Variants in CNKSR3 observed in about 807,000 individuals in gnomAD.
CNKSR3 encodes connector enhancer of kinase suppressor of ras 3.
Under a neutral mutation model 67.7 loss-of-function variants are expected in CNKSR3, and 36 were observed. The observed-to-expected ratio is 0.53, with a 90% confidence interval of 0.41 to 0.70. CNKSR3 has a LOEUF of 0.70. Ranked by LOEUF, CNKSR3 falls within the 30% of genes least tolerant of loss-of-function variation. CNKSR3 has a pLI of 0.00. For missense variants in CNKSR3, 630 were observed against 695.2 expected (o/e 0.91, Z 1.05); for synonymous variants, 281 against 271.4 (o/e 1.04, Z -0.35).
rs1240183791 is a variant in CNKSR3 at position 154,401,536 on chromosome 6, GAC to G, written c.*4816_*4817del. 6.6e-6 allele frequency: 1 copy of G among 152,224 alleles called. No homozygotes were observed. Among genetic ancestry groups the G allele is most frequent in the Non-Finnish European group, 1.5e-5 (1 of 68,040 alleles). The allele number at this position is 152,224 out of a possible 1,614,324, so 9.4% of individuals were successfully genotyped here. A position where few individuals can be genotyped will look rare whatever the true frequency, so the allele number is the denominator to read the frequency against. On this transcript the variant is annotated 3_prime_UTR_variant, in exon 13 of 13. Transcript: ENST00000607772. ...TGTTATTGCAGCCTGAGCTGATTAA[GAC>G]ACAGAGTAACTCACAAAATAAATAA...
chr6:154,431,575 C>T (rs527712045), intron 5 of CNKSR3, among the ~76,000 whole-genome samples: 1 of 152,080 alleles, frequency 6.6e-6, no homozygotes, highest in Admixed American at 6.5e-5. Flanking sequence ...TGACAAATGC[C>T]TAATGTCACG....
chr6:154,448,185 G>A (rs1224748509), intron 2 of CNKSR3, among the ~76,000 whole-genome samples: 2 of 151,958 alleles, frequency 1.3e-5, no homozygotes, highest in Non-Finnish European at 2.9e-5. Context: ...TGCTCTAAGA[G>A]GTAGAGAAGA....
intron 1 of CNKSR3, among the ~76,000 whole-genome samples, chr6:154,474,898 TGTGA>T (rs1406179876): frequency 3.9e-5 from 6 of 152,160 alleles, no homozygotes; most frequent in African/African-American, 1.4e-4. Context: ...TGACAGTGGC[TGTGA>T]GTGAGTCAGA....
intron 1 of CNKSR3, among the ~76,000 whole-genome samples, chr6:154,493,542 T>C (rs1786821235): frequency 6.6e-6 from 1 of 152,200 alleles, no homozygotes; most frequent in Admixed American, 6.5e-5. Context: ...CTGGGCACTT[T>C]AGTTAACAGG....
At position 154,388,367 on chromosome 6, in the gene CNKSR3, G is replaced by A. The variant is rs1169243399; in HGVS notation, c.*17987C>T. ...TTTCCTTCTTTTTAAAAGCTAAATA[G>A]TATTCCATTGTATGTGTATATACAT... On this transcript the variant is annotated 3_prime_UTR_variant, in exon 13 of 13. Transcript: ENST00000607772. 2 of 152,136 alleles carry A rather than the reference G, an allele frequency of 1.3e-5. No individual in the cohort carries two copies. Among genetic ancestry groups the A allele is most frequent in the Non-Finnish European group, 2.9e-5 (2 of 68,030 alleles). 9.4% of individuals were successfully genotyped at this position (152,136 alleles called of 1,614,324 possible).
chr6:154,447,700 C>T (rs1299898364), intron 2 of CNKSR3, among the ~76,000 whole-genome samples: 2 of 152,108 alleles, frequency 1.3e-5, no homozygotes, highest in African/African-American at 4.8e-5. Context: ...TGTTTCTCCC[C>T]TCCCCCTTCC....
At chr6:154,420,441 G>A (rs982158323) in intron 9 of CNKSR3, among the ~76,000 whole-genome samples, 3 of 152,028 alleles carry the variant, frequency 2.0e-5, no homozygotes, top group African/African-American at 4.8e-5. Context: ...TGTAATCCCA[G>A]CACTTTGGGA....
chr6:154,429,370 T>G (rs1489160239), intron 6 of CNKSR3, among the ~76,000 whole-genome samples: 5 of 152,176 alleles, frequency 3.3e-5, no homozygotes, highest in Admixed American at 2.0e-4. Flanking sequence ...TTACTTTCAC[T>G]CGCAGATTAT....
chr6:154,452,821 C>T (rs562253814), intron 1 of CNKSR3, among the ~76,000 whole-genome samples: 3 of 152,266 alleles, frequency 2.0e-5, no homozygotes, highest in Admixed American at 6.5e-5. Flanking sequence ...CGTGAAGACA[C>T]GGAAAAGACG....
At chr6:154,446,802 C>CTT (rs765120948) in intron 2 of CNKSR3, among the ~76,000 whole-genome samples, 18 of 120,338 alleles carry the variant, frequency 1.5e-4, no homozygotes, top group Non-Finnish European at 1.7e-4. Flanking sequence ...TCATACTTAT[C>CTT]TTTTTTTTTT....
At chr6:154,453,026 G>A (rs553638610) in intron 1 of CNKSR3, among the ~76,000 whole-genome samples, 7 of 152,270 alleles carry the variant, frequency 4.6e-5, no homozygotes, top group East Asian at 1.9e-4. Context: ...TAATCCACAC[G>A]TGATGGACTG....
chr6:154,446,548 C>G (rs1424498938), intron 2 of CNKSR3, among the ~76,000 whole-genome samples: 1 of 152,146 alleles, frequency 6.6e-6, no homozygotes, highest in East Asian at 1.9e-4. Flanking sequence ...AATGATTTGC[C>G]TTGGGTGAAT....
intron 1 of CNKSR3, among the ~76,000 whole-genome samples, chr6:154,482,339 A>G (rs1786582334): frequency 6.6e-6 from 1 of 152,208 alleles, no homozygotes; most frequent in African/African-American, 2.4e-5. Flanking sequence ...CTGACCCAAG[A>G]TATTTTGCCA....
chr6:154,393,427 T>C lies in CNKSR3; in HGVS notation c.*12927A>G, dbSNP rs1239313276. ...CCTGTGATTTTGACTTCACTTTCCC[T>C]GCTCGCTAGTGAAAATCGCTTCACA... is the stretch of plus-strand genomic sequence containing the variant. On this transcript the variant is annotated 3_prime_UTR_variant, in exon 13 of 13. Transcript: ENST00000607772. 1.3e-5 allele frequency: 2 copies of C among 152,254 alleles called. No individual in the cohort carries two copies. The highest frequency in any genetic ancestry group is 2.4e-5 in the African/African-American group (1 of 41,468). 9.4% of individuals were successfully genotyped at this position (152,254 alleles called of 1,614,324 possible).
chr6:154,429,230 G>A (rs886084250), intron 6 of CNKSR3, among the ~76,000 whole-genome samples: 3 of 152,170 alleles, frequency 2.0e-5, no homozygotes, highest in Admixed American at 1.3e-4. Flanking sequence ...TGGTATCTAT[G>A]CTGTAATAAT....
At chr6:154,454,118 G>C (rs368580941) in intron 1 of CNKSR3, among the ~76,000 whole-genome samples, 86,846 of 132,352 alleles carry the variant, frequency 0.66, 27,787 homozygotes, top group East Asian at 0.86. Flanking sequence ...GAGAGAGAGA[G>C]AGAGAGAGAG....
intron 2 of CNKSR3, among the ~76,000 whole-genome samples, chr6:154,443,646 G>A (rs976738527): frequency 1.3e-5 from 2 of 151,938 alleles, no homozygotes; most frequent in African/African-American, 4.8e-5. Context: ...CACCAGGCGA[G>A]ACACTCACAC....
intron 4 of CNKSR3, among the ~76,000 whole-genome samples, chr6:154,438,018 G>C (rs1044932137): frequency 6.6e-6 from 1 of 151,554 alleles, no homozygotes; most frequent in Non-Finnish European, 1.5e-5. Context: ...GTTGTATCTC[G>C]ATCTCCTGAC....
At chr6:154,487,923 A>G (rs1160477870) in intron 1 of CNKSR3, among the ~76,000 whole-genome samples, 1 of 152,108 alleles carries the variant, frequency 6.6e-6, no homozygotes, top group Non-Finnish European at 1.5e-5. Flanking sequence ...TGTTAACACT[A>G]CTATCACTTG....
Sources: allele counts gnomAD v4.1 joint callset (sites outside exome capture counted in the v4.1 genomes callset), GRCh38; gene constraint gnomAD v4.1.1; transcripts MANE v1.5; gene names NCBI Gene and HGNC (gene_info 2026-07-23, HGNC 2026-07-21).